The following E2F1 variants were observed in gnomAD, a reference collection of about 807,000 sequenced individuals.
The protein encoded by E2F1 is transcription factor E2F1.
In E2F1, 7 loss-of-function variants were observed where a neutral mutation model predicts 36.9. The observed-to-expected ratio is 0.19, with a 90% CI of 0.11 to 0.36. The LOEUF is 0.36. E2F1 is among the 10% of genes least tolerant of loss of function. E2F1 has a pLI of 1.00. For synonymous variants in E2F1, 261 were observed against 263.1 expected (o/e 0.99, Z 0.08); for missense variants, 406 against 573.6 (o/e 0.71, Z 2.99).
At position 33,680,945 on chromosome 20, in the gene E2F1, G is replaced by T. The variant is rs150610146; in HGVS notation, c.262-529C>A. 3.3e-5 allele frequency among the ~76,000 whole-genome samples: 5 copies of T among 152,320 alleles called. No homozygotes were observed. The East Asian group carries it at 9.6e-4, about 29-fold the overall frequency. ...AGCAGCCAGAACCCAAACACTGGCT[G>T]AATCTCCAGAGACCCCAAGCCAGAG... On this transcript the variant is annotated intron_variant, in intron 1 of 6. Transcript: ENST00000343380.
chr20:33,680,672 A>G (rs758201384), intron 1 of E2F1, among the ~76,000 whole-genome samples: 1 of 152,184 alleles, frequency 6.6e-6, no homozygotes, highest in Non-Finnish European at 1.5e-5. Flanking sequence ...CTTCTCCTTC[A>G]AAAGATATAG....
chr20:33,679,264 C>T lies in E2F1; in HGVS notation c.572+491G>A, dbSNP rs535767585. ...AGATGAATAAATATATAAAGCTGCG[C>T]GGGGCGCAGTGGCTCATGCCTGTAA... On this transcript the variant is annotated intron_variant, in intron 3 of 6. Transcript: ENST00000343380. This position sits in a 1 kb window ranked among gnomAD's most constrained non-coding sequence, Gnocchi z 4.6. Among the ~76,000 whole-genome samples the T allele has an allele frequency of 5.9e-5, 9 of 152,316 alleles. No homozygotes were observed. The East Asian group carries it at 1.4e-3, about 23-fold the overall frequency.
rs1233779293 is a variant in E2F1, at chr20:33,679,471, G to C, written c.572+284C>G. Among the ~76,000 whole-genome samples the C allele has an allele frequency of 1.3e-5, 2 of 152,232 alleles. No individual in the cohort carries two copies. Among genetic ancestry groups the C allele is most frequent in the African/African-American group, 2.4e-5 (1 of 41,464 alleles). ...AGGCAGGAGAAGCACCTGAACCTGG[G>C]AGGTAGAGGTTACAGTGAGCTGAGA... On this transcript the variant is annotated intron_variant, in intron 3 of 6. Transcript: ENST00000343380. The surrounding 1 kb of genome is among the most constrained non-coding windows in gnomAD (Gnocchi z 4.6).
rs376645897 is a variant in E2F1 at position 33,677,521 on chromosome 20, G to C, written c.745C>G (p.Gln249Glu). Residue 249 changes from glutamine (Q) to glutamate (E), a missense_variant, in exon 5 of 7, where the codon CAG (glutamine) becomes GAG (glutamate). Gln to Glu is a conservative substitution (Grantham distance 29). Coordinates refer to ENST00000343380, the MANE Select transcript of E2F1 (RefSeq NM_005225.3). ...DSQRLAYVTCQDLRSIADPAE... is the reference protein window; with the variant it reads ...DSQRLAYVTCEDLRSIADPAE... ...GGGTCTGCAATGCTACGAAGGTCCTGACACGTCACGTAGGCCAGGGTTGGC... is the reference window on the plus strand; with the variant it reads ...GGGTCTGCAATGCTACGAAGGTCCTCACACGTCACGTAGGCCAGGGTTGGC... The C allele has an allele frequency of 6.2e-7, 1 of 1,613,904 alleles. No homozygotes were observed. Among genetic ancestry groups the C allele is most frequent in the Non-Finnish European group, 8.5e-7 (1 of 1,179,964 alleles).
At chr20:33,681,182 G>A (rs1393898831) in intron 1 of E2F1, among the ~76,000 whole-genome samples, 1 of 152,004 alleles carries the variant, frequency 6.6e-6, no homozygotes, top group Non-Finnish European at 1.5e-5. Context: ...GGGACCACAG[G>A]CGCATCCCTC....
chr20:33,683,779 A>G (rs568549132), intron 1 of E2F1, among the ~76,000 whole-genome samples: 1 of 152,308 alleles, frequency 6.6e-6, no homozygotes. Flanking sequence ...CTCCAAAAAA[A>G]AAATAAATAA....
At chr20:33,677,564 G>A (rs372963946) in intron 4 of E2F1, 24 bp from the exon 5 acceptor site, 3 of 1,586,822 alleles carry the variant, frequency 1.9e-6, no homozygotes, top group African/African-American at 1.3e-5. Flanking sequence ...AGGACCACAT[G>A]ACCTTTGACT....
At chr20:33,680,264 G>A (rs907755560) in intron 2 of E2F1, 62 bp downstream of exon 2, 36 of 1,541,752 alleles carry the variant, frequency 2.3e-5, no homozygotes, top group Non-Finnish European at 3.2e-5. Context: ...ATGTTTGTCT[G>A]TTCACATCCC....
Position 33,680,310 on chromosome 20 carries a change from C to G in E2F1, c.352+16G>C. The G allele has an allele frequency of 1.2e-6, 2 of 1,613,592 alleles. No individual in the cohort carries two copies. The highest frequency in any genetic ancestry group is 1.1e-5 in the South Asian group (1 of 91,010). ...CTGGTCACAGGGGGTCTGCCCAGCC[C>G]AAGCTCCATAGGTACCTTTTCCTGG... is the stretch of plus-strand genomic sequence containing the variant. On this transcript the variant is annotated intron_variant, in intron 2 of 6. Coordinates refer to ENST00000343380, the MANE Select transcript of E2F1 (RefSeq NM_005225.3).
chr20:33,680,339 G>A lies in E2F1; in HGVS notation c.339C>T (p.Arg113=), dbSNP rs1421016465. ...ESSGPARGRG[R]HPGKGVKSPG... The stretch of plus-strand genomic sequence containing the variant: ...CTCCATAGGTACCTTTTCCTGGATG[G>A]CGGCCTCTGCCCCGAGCTGGCCCAC... The change falls in exon 2 of 7, where the codon CGC becomes CGT. Residue 113 remains arginine (R), a synonymous_variant. Coordinates refer to ENST00000343380, the MANE Select transcript of E2F1 (RefSeq NM_005225.3). The A allele has an allele frequency of 6.2e-7, 1 of 1,614,154 alleles. No individual in the cohort carries two copies. Among genetic ancestry groups the A allele is most frequent in the South Asian group, 1.1e-5 (1 of 91,072 alleles).
intron 3 of E2F1, among the ~76,000 whole-genome samples, chr20:33,678,614 TACACATGCACAC>T (rs1462137364): frequency 6.6e-6 from 1 of 151,374 alleles, no homozygotes; most frequent in Admixed American, 6.6e-5. Context: ...CACGAAATAT[TACACATGCACAC>T]ACACATGCAT....
At chr20:33,685,159 C>T (rs558859714) in intron 1 of E2F1, among the ~76,000 whole-genome samples, 1 of 152,342 alleles carries the variant, frequency 6.6e-6, no homozygotes, top group South Asian at 2.1e-4. Flanking sequence ...TGGGGGCCTC[C>T]TCTCCAGCTC....
At position 33,679,335 on chromosome 20, in the gene E2F1, G is replaced by A. The variant is rs994552379; in HGVS notation, c.572+420C>T. Among the ~76,000 whole-genome samples the A allele has an allele frequency of 6.6e-6, 1 of 152,264 alleles. No individual in the cohort carries two copies. On this transcript the variant is annotated intron_variant, in intron 3 of 6. Transcript: ENST00000343380. The surrounding 1 kb of genome is among the most constrained non-coding windows in gnomAD (Gnocchi z 4.6). ...GAGGCAGGCAGATCACCTGAGATCAGGAGTTCGAGACCAGACTGGCCAACA... is the reference window on the plus strand; with the variant it reads ...GAGGCAGGCAGATCACCTGAGATCAAGAGTTCGAGACCAGACTGGCCAACA...
In E2F1 at chr20:33,686,359, C is replaced by T; in HGVS notation, c.-95G>A. On this transcript the variant is annotated 5_prime_UTR_variant, in exon 1 of 7. Transcript: ENST00000343380. ...GGCGAGGGCTCGATCCCGCTCCGCC[C>T]CCGGCCGCCGCTGCCTGCAAAGTCC... 7.3e-6 allele frequency: 7 copies of T among 960,406 alleles called. No individual in the cohort carries two copies. The South Asian group carries it at 2.9e-4, about 39-fold the overall frequency. 59.5% of individuals were successfully genotyped at this position (960,406 alleles called of 1,614,324 possible).
intron 2 of E2F1, 129 bp from the exon 3 acceptor site, chr20:33,680,103 G>A: frequency 1.1e-6 from 1 of 945,082 alleles, no homozygotes; most frequent in Non-Finnish European, 1.6e-6. Context: ...CCTTCCCCTT[G>A]GCGAGGCCAA....
rs2018070053 is a variant in E2F1, at chr20:33,686,356, G to A, written c.-92C>T. 1.0e-6 allele frequency: 1 copy of A among 956,706 alleles called. No individual in the cohort carries two copies. Among genetic ancestry groups the A allele is most frequent in the South Asian group, 4.8e-5 (1 of 20,798 alleles). The allele number at this position is 956,706 out of a possible 1,614,324, so 59.3% of individuals were successfully genotyped here. Reference sequence around the variant, plus strand: ...CTCGGCGAGGGCTCGATCCCGCTCCGCCCCCGGCCGCCGCTGCCTGCAAAG... The same window carrying A: ...CTCGGCGAGGGCTCGATCCCGCTCCACCCCCGGCCGCCGCTGCCTGCAAAG... On this transcript the variant is annotated 5_prime_UTR_variant, in exon 1 of 7. Coordinates refer to ENST00000343380, the MANE Select transcript of E2F1 (RefSeq NM_005225.3).
chr20:33,676,821 G>T lies in E2F1; in HGVS notation c.1225C>A (p.Leu409Ile). ...FISLSPPHEA[L>I]DYHFGLEEGE... ...TCCTCGAGGCCGAAGTGGTAGTCGA[G>T]GGCCTCGTGGGGTGGGGAAAGGCTG... The change falls in exon 7 of 7, where the codon CTC becomes ATC. Residue 409 changes from leucine to isoleucine, a missense_variant. Physicochemically the swap from Leu to Ile is conservative, Grantham distance 5 (BLOSUM62 2). Around this residue, in one of 5 missense-constraint regions of E2F1, gnomAD observed 163 missense variants for 181.5 expected, o/e 0.90. Coordinates refer to ENST00000343380, the MANE Select transcript of E2F1 (RefSeq NM_005225.3). 1 of 1,596,682 alleles carries T rather than the reference G, an allele frequency of 6.3e-7. No individual in the cohort carries two copies. The highest frequency in any genetic ancestry group is 1.7e-5 in the Admixed American group (1 of 58,166).
At position 33,677,283 on chromosome 20, in the gene E2F1, G is replaced by A. The variant is rs764704208; in HGVS notation, c.888C>T (p.Phe296=). The A allele has an allele frequency of 1.9e-6, 3 of 1,613,988 alleles. No homozygotes were observed. The change falls in exon 6 of 7, where the codon TTC becomes TTT. Residue 296 remains phenylalanine (F), a synonymous_variant. Coordinates refer to ENST00000343380, the MANE Select transcript of E2F1 (RefSeq NM_005225.3). The part of the protein sequence containing the change: ...LKSKQGPIDV[F]LCPEETVGGI... Reference sequence around the variant, plus strand: ...CACCTACGGTCTCCTCAGGGCACAGGAAAACATCGATCGGGCCTTGTTTGC... The same window carrying A: ...CACCTACGGTCTCCTCAGGGCACAGAAAAACATCGATCGGGCCTTGTTTGC...
chr20:33,685,962 G>C, intron 1 of E2F1, 42 bp downstream of exon 1: 2 of 1,118,496 alleles, frequency 1.8e-6, no homozygotes, highest in Non-Finnish European at 1.1e-6. Flanking sequence ...TGCGCGGGGG[G>C]CACAGGCGGC....
Sources: gnomAD v4.1 joint callset for allele counts (sites outside exome capture counted in the v4.1 genomes callset) on GRCh38, gnomAD v4.1.1 for gene constraint, gnomAD v4.1.1 regional missense constraint, Gnocchi (gnomAD v3.1) non-coding constraint, MANE v1.5 for transcripts, NCBI Gene and HGNC (gene_info 2026-07-23, HGNC 2026-07-21) for gene names.